CHERP: variants seen among roughly 807,000 people sequenced by gnomAD.
CHERP encodes the protein calcium homeostasis endoplasmic reticulum protein.
A neutral mutation model predicts 113.8 loss-of-function variants in CHERP; 8 were observed. That is an observed-to-expected ratio of 0.07 (90% CI 0.04 to 0.13). The LOEUF is 0.13. Among genes scored for constraint, CHERP ranks in the 10% least tolerant of loss-of-function variants. The pLI is 1.00. For missense variants in CHERP, 884 were observed against 1,298.2 expected (o/e 0.68, Z 4.90); for synonymous variants, 559 against 524.5 (o/e 1.07, Z -0.90).
rs781388903 is a variant in CHERP at position 16,523,294 on chromosome 19, CA to C, written c.1742-5del. 61 of 1,602,450 alleles carry C rather than the reference CA, an allele frequency of 3.8e-5. No individual in the cohort carries two copies. The highest frequency in any genetic ancestry group is 1.7e-4 in the Middle Eastern group (1 of 5,970). Reference sequence around the variant, plus strand: ...TGGTGGTGAGGGGGCCCCATTTCTGCAAAACAGAGACTTGCCTCAGGACCAC... The same window carrying C: ...TGGTGGTGAGGGGGCCCCATTTCTGCAAACAGAGACTTGCCTCAGGACCAC... On this transcript the variant is annotated splice_region_variant and splice_polypyrimidine_tract_variant and intron_variant, in intron 10 of 16. Transcript: ENST00000546361. The surrounding 1 kb of genome is among the most constrained non-coding windows in gnomAD (Gnocchi z 4.0).
chr19:16,528,244 G>T lies in CHERP; in HGVS notation c.1141C>A (p.Pro381Thr), dbSNP rs761034469. 1.3e-6 allele frequency: 2 copies of T among 1,579,840 alleles called. No individual in the cohort carries two copies. Among genetic ancestry groups the T allele is most frequent in the Non-Finnish European group, 1.7e-6 (2 of 1,165,608 alleles). The change falls in exon 9 of 17, where the codon CCT becomes ACT. Residue 381 changes from proline to threonine, a missense_variant. By Grantham distance (38) the Pro-to-Thr change is conservative. This residue lies in a region of CHERP where 464 missense variants were observed against 590.1 expected (regional missense o/e 0.79). Transcript: ENST00000546361. ...GAAGAGCCAGGCATCTGGATGGGAG[G>T]CTTGCTGTCATCTAAATCCAAGTGA... ...PPTTQPDDSK[P>T]PIQMPGSSEY... is the part of the protein sequence containing the mutation.
At position 16,519,752 on chromosome 19, in the gene CHERP, C is replaced by CT. The variant is rs2085590409; in HGVS notation, c.2463-38dup. ...ACAGGTTATTCTTTTTAAGAAGTAA[C>CT]TGAGACATTTATTGGAATGACAGTG... On this transcript the variant is annotated intron_variant, in intron 15 of 16. Transcript: ENST00000546361. The surrounding 1 kb of genome is among the most constrained non-coding windows in gnomAD (Gnocchi z 6.0). The CT allele has an allele frequency of 6.5e-7, 1 of 1,537,262 alleles. No individual in the cohort carries two copies. The highest frequency in any genetic ancestry group is 1.4e-5 in the African/African-American group (1 of 73,498).
In CHERP at chr19:16,523,951, A is replaced by C. The variant is rs1396178509; in HGVS notation, c.1742-661T>G. Among the ~76,000 whole-genome samples the C allele has an allele frequency of 2.0e-5, 3 of 152,242 alleles. No homozygotes were observed. The highest frequency in any genetic ancestry group is 7.2e-5 in the African/African-American group (3 of 41,480). On this transcript the variant is annotated intron_variant, in intron 10 of 16. Transcript: ENST00000546361. The surrounding 1 kb of genome is among the most constrained non-coding windows in gnomAD (Gnocchi z 4.0). ...TCTTCAAGCTGCATTTATAATCAGAAATGTATTTAAAGAGAGAAGGCTGGG... is the reference window on the plus strand; with the variant it reads ...TCTTCAAGCTGCATTTATAATCAGACATGTATTTAAAGAGAGAAGGCTGGG...
Position 16,519,060 on chromosome 19 carries a change from T to C in CHERP, c.*99A>G. The C allele has an allele frequency of 9.1e-7, 1 of 1,100,946 alleles. No homozygotes were observed. Among genetic ancestry groups the C allele is most frequent in the Middle Eastern group, 2.2e-4 (1 of 4,592 alleles). 68.2% of individuals were successfully genotyped at this position (1,100,946 alleles called of 1,614,324 possible). On this transcript the variant is annotated 3_prime_UTR_variant, in exon 17 of 17. Coordinates refer to ENST00000546361, the MANE Select transcript of CHERP (RefSeq NM_006387.6). The surrounding 1 kb of genome is among the most constrained non-coding windows in gnomAD (Gnocchi z 6.0). Reference sequence around the variant, plus strand: ...TGGCTCTCCACAAGTGGAGACGGTGTAAGAACTGAGCTGTCACTGCAATCT... The same window carrying C: ...TGGCTCTCCACAAGTGGAGACGGTGCAAGAACTGAGCTGTCACTGCAATCT...
At position 16,535,610 on chromosome 19, in the gene CHERP, G is replaced by A; in HGVS notation, c.226C>T (p.Leu76=). 1 of 1,535,734 alleles carries A rather than the reference G, an allele frequency of 6.5e-7. No individual in the cohort carries two copies. Among genetic ancestry groups the A allele is most frequent in the Non-Finnish European group, 8.8e-7 (1 of 1,142,746 alleles). ...QLICKQQTPE[L]EPAATMPPLP... ...GGTGGCATGGTGGCGGCTGGCTCCAGCTCCGGGGTCTGCTGCTTGCAGATG... is the reference window on the plus strand; with the variant it reads ...GGTGGCATGGTGGCGGCTGGCTCCAACTCCGGGGTCTGCTGCTTGCAGATG... The change falls in exon 3 of 17, where the codon CTG becomes TTG. Residue 76 remains leucine, a synonymous_variant. Transcript: ENST00000546361. This position sits in a 1 kb window ranked among gnomAD's most constrained non-coding sequence, Gnocchi z 4.3.
At position 16,520,724 on chromosome 19, in the gene CHERP, C is replaced by CTGTG; in HGVS notation, c.2201+98_2201+101dup. On this transcript the variant is annotated intron_variant, in intron 13 of 16. Transcript: ENST00000546361. The surrounding 1 kb of genome is among the most constrained non-coding windows in gnomAD (Gnocchi z 4.0). ...GAAAACACCGCCCCATAGGCACAGG[C>CTGTG]TGTGTGAGGGTGGACGTGATGAGTG... 7.9e-7 allele frequency: 1 copy of CTGTG among 1,265,926 alleles called. No homozygotes were observed. 78.4% of individuals were successfully genotyped at this position (1,265,926 alleles called of 1,614,324 possible).
rs189846002 is a variant in CHERP, at chr19:16,522,481, G to C, written c.1980+571C>G. ...TCACCGTGTTAGCCAGGATGGTCTC[G>C]ATCTCCTGACCTCGTGATCCGCCCG... On this transcript the variant is annotated intron_variant, in intron 11 of 16. Transcript: ENST00000546361. Among the ~76,000 whole-genome samples, 271 of 152,168 alleles carry C rather than the reference G, an allele frequency of 1.8e-3. 5 individuals are homozygous for C. The highest frequency in any genetic ancestry group is 7.1e-4 in the Non-Finnish European group (48 of 67,998).
chr19:16,521,726 A>G (rs1317138087), intron 11 of CHERP, 72 bp from the exon 12 acceptor site: 2 of 1,433,074 alleles, frequency 1.4e-6, no homozygotes, highest in African/African-American at 2.9e-5. Context: ...GTCTGCAAGG[A>G]GTGGGGTCAG....
rs1599750928 is a variant in CHERP at position 16,530,034 on chromosome 19, A to G, written c.877-134T>C. The G allele has an allele frequency of 8.8e-7, 1 of 1,139,482 alleles. No individual in the cohort carries two copies. The highest frequency in any genetic ancestry group is 1.2e-6 in the Non-Finnish European group (1 of 812,618). The allele number at this position is 1,139,482 out of a possible 1,614,324, so 70.6% of individuals were successfully genotyped here. ...GGTGGACAGGGAACCGTCACGTGAAACAGCCAACACAGTCTGGGCAATCAG... is the reference window on the plus strand; with the variant it reads ...GGTGGACAGGGAACCGTCACGTGAAGCAGCCAACACAGTCTGGGCAATCAG... On this transcript the variant is annotated intron_variant, in intron 7 of 16. Transcript: ENST00000546361. The surrounding 1 kb of genome is among the most constrained non-coding windows in gnomAD (Gnocchi z 4.1).
chr19:16,521,761 G>A, intron 11 of CHERP, 107 bp from the exon 12 acceptor site: 1 of 1,084,794 alleles, frequency 9.2e-7, no homozygotes, highest in African/African-American at 1.6e-5. Context: ...TCAGTGTCAA[G>A]GGTACCCTGG....
Position 16,540,286 on chromosome 19 carries a change from C to T in CHERP, c.199+1584G>A, listed in dbSNP as rs1024905370. The stretch of plus-strand genomic sequence containing the variant: ...TTCACCATGTTGGCCAGGCTGGTCT[C>T]GAACTCCTGACCTCAAGTGATCCGC... On this transcript the variant is annotated intron_variant, in intron 2 of 16. Coordinates refer to ENST00000546361, the MANE Select transcript of CHERP (RefSeq NM_006387.6). Among the ~76,000 whole-genome samples, 3 of 151,946 alleles carry T rather than the reference C, an allele frequency of 2.0e-5. No homozygotes were observed. In the East Asian group the frequency reaches 5.8e-4, roughly 29 times the overall value.
chr19:16,526,848 G>C (rs560707862), intron 9 of CHERP, among the ~76,000 whole-genome samples: 49 of 152,308 alleles, frequency 3.2e-4, no homozygotes, highest in Non-Finnish European at 6.0e-4. Context: ...AATGAAGCCT[G>C]AAGTCCTGGC....
At chr19:16,536,003 CAGT>C (rs1253163213) in intron 2 of CHERP, among the ~76,000 whole-genome samples, 1 of 152,236 alleles carries the variant, frequency 6.6e-6, no homozygotes, top group Admixed American at 6.5e-5. Context: ...ACCCAGGCCT[CAGT>C]ACCTCTCATC....
rs550202724 is a variant in CHERP, at chr19:16,535,987, T to C, written c.200-351A>G. On this transcript the variant is annotated intron_variant, in intron 2 of 16. Transcript: ENST00000546361. The surrounding 1 kb of genome is among the most constrained non-coding windows in gnomAD (Gnocchi z 4.3). The stretch of plus-strand genomic sequence containing the variant: ...CCTCACCCACCTAGGCCCCACCTGA[T>C]GCAGAACCCAGGCCTCAGTACCTCT... 2.0e-5 allele frequency among the ~76,000 whole-genome samples: 3 copies of C among 152,310 alleles called. No individual in the cohort carries two copies. The East Asian group carries it at 5.8e-4, about 29-fold the overall frequency.
chr19:16,528,300 G>A (rs2085670376), intron 8 of CHERP, 45 bp from the exon 9 acceptor site: 1 of 1,522,350 alleles, frequency 6.6e-7, no homozygotes, highest in Non-Finnish European at 8.8e-7. Flanking sequence ...GGCAGCAGGA[G>A]GCGCTGTCTC....
intron 12 of CHERP, 34 bp downstream of exon 12, chr19:16,521,484 AGGC>A (rs984292721): frequency 2.0e-6 from 3 of 1,511,986 alleles, no homozygotes; most frequent in Non-Finnish European, 2.7e-6. Flanking sequence ...GAGGGGACAG[AGGC>A]CTCCCGCCCA....
chr19:16,526,535 T>G (rs1308873772), intron 9 of CHERP, among the ~76,000 whole-genome samples: 1 of 150,312 alleles, frequency 6.7e-6, no homozygotes, highest in Non-Finnish European at 1.5e-5. Context: ...TGGCGCGATC[T>G]TGGCTCACTG....
rs760198696 is a variant in CHERP at position 16,529,886 on chromosome 19, G to A, written c.891C>T (p.Asn297=). The change falls in exon 8 of 17, where the codon AAC becomes AAT. Residue 297 remains asparagine, a synonymous_variant. Coordinates refer to ENST00000546361, the MANE Select transcript of CHERP (RefSeq NM_006387.6). The part of the protein sequence containing the change: ...GLGQYQATLI[N]EYSSVVQPVQ... ...CCGGCTGGACCACTGAGGAGTACTC[G>A]TTGATGAGGGTGGCCTGAGAGAGAG... 28 of 1,613,320 alleles carry A rather than the reference G, an allele frequency of 1.7e-5. No individual in the cohort carries two copies. The highest frequency in any genetic ancestry group is 3.3e-5 in the South Asian group (3 of 91,066).
In CHERP at chr19:16,519,952, G is replaced by A. The variant is rs569583728; in HGVS notation, c.2462+197C>T. 8.4e-4 allele frequency: 573 copies of A among 678,786 alleles called. 13 individuals carry two copies. The South Asian group carries it at 0.01, about 12-fold the overall frequency. The allele number at this position is 678,786 out of a possible 1,614,324, so 42.0% of individuals were successfully genotyped here. On this transcript the variant is annotated intron_variant, in intron 15 of 16. Transcript: ENST00000546361. This position sits in a 1 kb window ranked among gnomAD's most constrained non-coding sequence, Gnocchi z 6.0. ...CAGGACACCTCCAACCCAGATGGTG[G>A]TTAGAAAGCAGACCCCAGTTACTGC... is the stretch of plus-strand genomic sequence containing the variant.
Sources: gnomAD v4.1 joint callset for allele counts (sites outside exome capture counted in the v4.1 genomes callset) on GRCh38, gnomAD v4.1.1 for gene constraint, gnomAD v4.1.1 regional missense constraint, Gnocchi (gnomAD v3.1) non-coding constraint, MANE v1.5 for transcripts, NCBI Gene and HGNC (gene_info 2026-07-23, HGNC 2026-07-21) for gene names.